Variants in VRK2 observed in about 807,000 individuals in gnomAD.
VRK2 encodes VRK serine/threonine kinase 2.
A neutral mutation model predicts 57.6 loss-of-function variants in VRK2; 60 were observed. The observed-to-expected ratio is 1.04, with a 90% CI of 0.85 to 1.29. The LOEUF (loss-of-function observed/expected upper bound fraction) is 1.29. Among genes scored for constraint, VRK2 ranks in the 50% most tolerant of loss-of-function variants. The pLI is 0.00. For missense variants in VRK2, 705 were observed against 588.1 expected (o/e 1.20, Z -2.06); for synonymous variants, 231 against 199.2 (o/e 1.16, Z -1.35).
intron 1 of VRK2, among the ~76,000 whole-genome samples, chr2:57,965,062 G>GT (rs1258249131): frequency 6.6e-6 from 1 of 152,098 alleles, no homozygotes; most frequent in Non-Finnish European, 1.5e-5. Context: ...ATATGTGATT[G>GT]TAAACAGATG....
chr2:57,922,687 A>G (rs1310333851), intron 1 of VRK2, among the ~76,000 whole-genome samples: 2 of 151,920 alleles, frequency 1.3e-5, no homozygotes, highest in Non-Finnish European at 2.9e-5. Flanking sequence ...GTGTAATAAT[A>G]ACATCAGGGT....
At chr2:58,042,280 C>T (rs1425767094), upstream of VRK2, among the ~76,000 whole-genome samples, 1 of 152,152 alleles carries the variant, frequency 6.6e-6, no homozygotes, top group Non-Finnish European at 1.5e-5. Context: ...ATGCAGAGGA[C>T]ATAGATACTT....
chr2:58,008,201 C>T (rs1434681969), intron 1 of VRK2, among the ~76,000 whole-genome samples: 1 of 151,978 alleles, frequency 6.6e-6, no homozygotes, highest in Admixed American at 6.6e-5. Context: ...TTGAATATTT[C>T]TTAAAAAGTC....
chr2:58,137,840 G>T (rs1444036247), intron 10 of VRK2, among the ~76,000 whole-genome samples: 1 of 152,134 alleles, frequency 6.6e-6, no homozygotes, highest in Admixed American at 6.5e-5. Context: ...CAATATGCTA[G>T]TAAATTTTAA....
intron 1 of VRK2, among the ~76,000 whole-genome samples, chr2:57,959,643 C>G (rs1207424894): frequency 6.6e-6 from 1 of 152,158 alleles, no homozygotes; most frequent in Non-Finnish European, 1.5e-5. Flanking sequence ...TCAGAAAGCG[C>G]TGCAAGTGCC....
intron 2 of VRK2, among the ~76,000 whole-genome samples, chr2:58,055,275 C>T (rs530451206): frequency 6.6e-6 from 1 of 152,116 alleles, no homozygotes; most frequent in East Asian, 1.9e-4. Flanking sequence ...CAAAAGCATG[C>T]CAGAAACCCA....
chr2:57,974,887 T>A (rs1340781753), intron 1 of VRK2, among the ~76,000 whole-genome samples: 1 of 151,868 alleles, frequency 6.6e-6, no homozygotes, highest in South Asian at 2.1e-4. Flanking sequence ...GCTATTTATA[T>A]ATACACACAG....
chr2:58,007,358 C>A (rs952306435), intron 1 of VRK2, among the ~76,000 whole-genome samples: 4 of 151,608 alleles, frequency 2.6e-5, no homozygotes, highest in Non-Finnish European at 5.9e-5. Context: ...GGCCCTTGAA[C>A]AACACAGACT....
At chr2:57,954,544 T>G (rs1432939336) in intron 1 of VRK2, among the ~76,000 whole-genome samples, 2 of 152,102 alleles carry the variant, frequency 1.3e-5, no homozygotes, top group African/African-American at 4.8e-5. Context: ...TTTCTTAAGC[T>G]AAGTTACATC....
chr2:58,085,702 C>G (rs578209071), intron 4 of VRK2, among the ~76,000 whole-genome samples: 22 of 151,820 alleles, frequency 1.4e-4, no homozygotes, highest in Middle Eastern at 3.4e-3. Flanking sequence ...GTAATCTTTA[C>G]TAATTGCTTA....
At position 58,067,844 on chromosome 2, in the gene VRK2, A is replaced by G. The variant is rs180794867; in HGVS notation, c.137-16245A>G. Among the ~76,000 whole-genome samples, 304 of 152,078 alleles carry G rather than the reference A, an allele frequency of 2.0e-3. 1 individual carries two copies. Among genetic ancestry groups the G allele is most frequent in the Middle Eastern group, 6.8e-3 (2 of 294 alleles). ...TCATGTTTTCTCTTCCTTTATTCCT[A>G]ATATTCCAAATTTCCTTGTGTAACT... On this transcript the variant is annotated intron_variant, in intron 2 of 12. Coordinates refer to ENST00000340157, the MANE Select transcript of VRK2 (RefSeq NM_006296.7).
chr2:57,960,770 T>C (rs1305236622), intron 1 of VRK2, among the ~76,000 whole-genome samples: 4 of 152,222 alleles, frequency 2.6e-5, no homozygotes, highest in Non-Finnish European at 1.5e-5. Flanking sequence ...GTGCAAACTA[T>C]GGTGGCATAT....
At chr2:57,928,660 G>A (rs1381201454) in intron 1 of VRK2, among the ~76,000 whole-genome samples, 1 of 152,098 alleles carries the variant, frequency 6.6e-6, no homozygotes, top group African/African-American at 2.4e-5. Flanking sequence ...GTCTGGGCCT[G>A]TTTATACCCA....
intron 1 of VRK2, among the ~76,000 whole-genome samples, chr2:57,941,896 C>T (rs1339310189): frequency 6.6e-6 from 1 of 152,198 alleles, no homozygotes; most frequent in African/African-American, 2.4e-5. Flanking sequence ...AGTACATATT[C>T]CCTATAGTTT....
intron 7 of VRK2, among the ~76,000 whole-genome samples, chr2:58,104,726 A>C (rs1010415795): frequency 2.6e-4 from 40 of 152,010 alleles, no homozygotes; most frequent in African/African-American, 9.2e-4. Flanking sequence ...TTCACATAGA[A>C]CTGAAAAGGG....
chr2:58,124,577 C>T (rs1027331354), intron 8 of VRK2, among the ~76,000 whole-genome samples: 2 of 152,114 alleles, frequency 1.3e-5, no homozygotes, highest in African/African-American at 4.8e-5. Context: ...TGAACTGTTA[C>T]CCTAAACTGA....
At chr2:57,955,912 T>G (rs1671572892) in intron 1 of VRK2, among the ~76,000 whole-genome samples, 2 of 152,206 alleles carry the variant, frequency 1.3e-5, no homozygotes, top group African/African-American at 4.8e-5. Context: ...TTGGGAAGAT[T>G]GCATTAGATG....
intron 1 of VRK2, among the ~76,000 whole-genome samples, chr2:57,914,037 C>T (rs184456582): frequency 1.7e-4 from 26 of 151,984 alleles, no homozygotes; most frequent in East Asian, 5.8e-4. Flanking sequence ...AGAGAAAAAA[C>T]GTCAACTTTT....
At chr2:57,973,938 A>G (rs997915020) in intron 1 of VRK2, among the ~76,000 whole-genome samples, 1 of 151,884 alleles carries the variant, frequency 6.6e-6, no homozygotes, top group Non-Finnish European at 1.5e-5. Flanking sequence ...AGAAACACTT[A>G]AACACCTGAA....
Sources: gnomAD v4.1 joint callset for allele counts (sites outside exome capture counted in the v4.1 genomes callset) on GRCh38, gnomAD v4.1.1 for gene constraint, MANE v1.5 for transcripts, NCBI Gene and HGNC (gene_info 2026-07-23, HGNC 2026-07-21) for gene names.